Variants in SH3YL1 observed in about 807,000 individuals in gnomAD.
SH3YL1 encodes SH3 domain-containing YSC84-like protein 1.
In SH3YL1, 41 loss-of-function variants were observed where a neutral mutation model predicts 45.8. That is an observed-to-expected ratio of 0.89 (90% confidence interval 0.70 to 1.16). SH3YL1 has a LOEUF of 1.16. Ranked by LOEUF, SH3YL1 falls within the 50% of genes most tolerant of loss-of-function variation. The probability of loss-of-function intolerance (pLI) is 0.00; values close to 1 mark genes in which losing one functional copy is unlikely to be tolerated. For missense variants in SH3YL1, 389 were observed against 409.6 expected (o/e 0.95, Z 0.43); for synonymous variants, 152 against 151.4 (o/e 1.00, Z -0.03).
intron 1 of SH3YL1, chr2:260,876 T>C (rs1187094559): frequency 6.6e-6 from 1 of 152,168 alleles, no homozygotes; most frequent in Non-Finnish European, 1.5e-5. Context: ...CATCCTGCTG[T>C]AGGGAAAGGT....
At chr2:242,122 GAGTC>G (rs1668571645) in intron 4 of SH3YL1, 1 of 151,956 alleles carries the variant, frequency 6.6e-6, no homozygotes, top group Admixed American at 6.5e-5. Flanking sequence ...CCGTACAAAA[GAGTC>G]AGGTGGGAGC....
At chr2:231,941 C>T (rs964135073) in intron 6 of SH3YL1, among the ~76,000 whole-genome samples, 1 of 151,976 alleles carries the variant, frequency 6.6e-6, no homozygotes, top group South Asian at 2.1e-4. Context: ...CTGAATGACT[C>T]GGTGGGGTAA....
intron 3 of SH3YL1, among the ~76,000 whole-genome samples, chr2:248,508 G>A (rs1333003194): frequency 6.6e-6 from 1 of 152,128 alleles, no homozygotes; most frequent in African/African-American, 2.4e-5. Flanking sequence ...TGTCTTATTT[G>A]GACAGTTTTT....
chr2:218,495 A>C lies in SH3YL1; in HGVS notation c.*316T>G, dbSNP rs1215169703. On this transcript the variant is annotated 3_prime_UTR_variant, in exon 10 of 10. Coordinates refer to ENST00000356150, the MANE Select transcript of SH3YL1 (RefSeq NM_015677.4). ...TTGTGGCTCTACCCTCAAGATTCTC[A>C]AATTAAAACACAGCTACCATATACA... The C allele has an allele frequency of 9.5e-6, 2 of 209,686 alleles. No individual in the cohort carries two copies. The highest frequency in any genetic ancestry group is 1.1e-4 in the East Asian group (1 of 9,326). The allele number at this position is 209,686 out of a possible 1,614,324, so 13.0% of individuals were successfully genotyped here. A position where few individuals can be genotyped will look rare whatever the true frequency, so the allele number is the denominator to read the frequency against.
rs578043795 is a variant in SH3YL1 at position 263,976 on chromosome 2, G to A, written c.1+8C>T. ...TGCTGCCGGACAGGTGGGTCCCCGG[G>A]TACTCACTGCTGCCCGCCCGGCCGC... is the stretch of plus-strand genomic sequence containing the variant. On this transcript the variant is annotated splice_region_variant and intron_variant, in intron 1 of 9. Transcript: ENST00000356150. The A allele has an allele frequency of 6.7e-7, 1 of 1,492,238 alleles. No homozygotes were observed. Among genetic ancestry groups the A allele is most frequent in the Non-Finnish European group, 9.0e-7 (1 of 1,117,054 alleles). The allele number at this position is 1,492,238 out of a possible 1,614,324, so 92.4% of individuals were successfully genotyped here. A position where few individuals can be genotyped will look rare whatever the true frequency, so the allele number is the denominator to read the frequency against.
intron 4 of SH3YL1, among the ~76,000 whole-genome samples, chr2:246,169 T>G (rs1668798666): frequency 6.6e-6 from 1 of 150,554 alleles, no homozygotes; most frequent in Admixed American, 6.6e-5. Context: ...CACTCCAGCC[T>G]GGGTAACAAG....
chr2:233,440 T>C (rs1483985263), intron 5 of SH3YL1, among the ~76,000 whole-genome samples: 3 of 152,238 alleles, frequency 2.0e-5, no homozygotes, highest in Non-Finnish European at 4.4e-5. Flanking sequence ...CATGAAATTA[T>C]TACAGAAGGC....
At chr2:222,421 C>T (rs914876095) in intron 9 of SH3YL1, 10 of 152,536 alleles carry the variant, frequency 6.6e-5, no homozygotes, top group African/African-American at 2.2e-4. Context: ...GGGAAGGTCA[C>T]AACTAGGAGA....
intron 1 of SH3YL1, among the ~76,000 whole-genome samples, chr2:255,334 G>A (rs1476705371): frequency 1.3e-5 from 2 of 152,152 alleles, no homozygotes; most frequent in South Asian, 2.1e-4. Context: ...AAAACTGGCT[G>A]GGTACTCCCA....
chr2:237,421 G>A (rs1052714659), intron 4 of SH3YL1, among the ~76,000 whole-genome samples: 9 of 152,098 alleles, frequency 5.9e-5, no homozygotes, highest in African/African-American at 1.9e-4. Context: ...AGCAGCAATG[G>A]CCCTCAGTTT....
chr2:247,055 G>A (rs565264667), intron 4 of SH3YL1, among the ~76,000 whole-genome samples: 9 of 152,290 alleles, frequency 5.9e-5, no homozygotes, highest in Admixed American at 2.0e-4. Context: ...CCCGACAGAC[G>A]CCACAATCCC....
intron 9 of SH3YL1, among the ~76,000 whole-genome samples, chr2:224,604 A>G (rs538786646): frequency 1.3e-5 from 2 of 152,210 alleles, no homozygotes; most frequent in Admixed American, 1.3e-4. Flanking sequence ...GGGGCTTAGC[A>G]GCGCTGTCCC....
intron 8 of SH3YL1, among the ~76,000 whole-genome samples, chr2:226,103 A>G (rs1572142646): frequency 6.6e-6 from 1 of 152,182 alleles, no homozygotes; most frequent in Admixed American, 6.5e-5. Context: ...AAAAATCACA[A>G]GAAAATCTAG....
At chr2:221,903 A>G (rs987809535) in intron 9 of SH3YL1, among the ~76,000 whole-genome samples, 1 of 152,184 alleles carries the variant, frequency 6.6e-6, no homozygotes, top group Non-Finnish European at 1.5e-5. Flanking sequence ...AAAACTCCAA[A>G]TGACTTAAAG....
At chr2:228,916 TTAC>T (rs1473087969) in intron 8 of SH3YL1, among the ~76,000 whole-genome samples, 1 of 152,154 alleles carries the variant, frequency 6.6e-6, no homozygotes, top group African/African-American at 2.4e-5. Flanking sequence ...CTGCAGAGCT[TTAC>T]TATTTACTCC....
At chr2:258,199 T>C (rs115520434) in intron 1 of SH3YL1, among the ~76,000 whole-genome samples, 1 of 152,316 alleles carries the variant, frequency 6.6e-6, no homozygotes, top group African/African-American at 2.4e-5. Flanking sequence ...AGAATGATAT[T>C]GGTAGTATAA....
chr2:221,053 T>G (rs1232326759), intron 9 of SH3YL1, among the ~76,000 whole-genome samples: 1 of 129,464 alleles, frequency 7.7e-6, no homozygotes, highest in Non-Finnish European at 1.7e-5. Context: ...CATGTGCTCC[T>G]CTTACACCGC....
chr2:246,208 A>T (rs1265836994), intron 4 of SH3YL1, among the ~76,000 whole-genome samples: 2 of 151,498 alleles, frequency 1.3e-5, no homozygotes, highest in African/African-American at 2.4e-5. Context: ...AAAAAAAAAG[A>T]GAAAAAAGAA....
intron 4 of SH3YL1, among the ~76,000 whole-genome samples, chr2:247,117 A>C (rs775662966): frequency 6.6e-6 from 1 of 152,236 alleles, no homozygotes; most frequent in Non-Finnish European, 1.5e-5. Context: ...TACTTAAAGA[A>C]TGTGGAGGGA....
Sources: allele counts gnomAD v4.1 joint callset (sites outside exome capture counted in the v4.1 genomes callset), GRCh38; gene constraint gnomAD v4.1.1; transcripts MANE v1.5; gene names NCBI Gene and HGNC (gene_info 2026-07-23, HGNC 2026-07-21).